SDK1: variants seen among roughly 807,000 people sequenced by gnomAD.
SDK1 encodes the protein protein sidekick-1.
A neutral mutation model predicts 245.5 loss-of-function variants in SDK1; 157 were observed. The observed-to-expected ratio is 0.64, with a 90% CI of 0.56 to 0.73. The LOEUF (loss-of-function observed/expected upper bound fraction) is 0.73, where lower values mean the gene tolerates loss of function less well. SDK1 is among the 30% of genes least tolerant of loss of function. The probability of loss-of-function intolerance (pLI) is 0.00; values close to 1 mark genes in which losing one functional copy is unlikely to be tolerated. For synonymous variants in SDK1, 1,647 were observed against 1,278.5 expected (o/e 1.29, Z -6.15); for missense variants, 3,583 against 3,002.3 (o/e 1.19, Z -4.52).
chr7:4,212,690 A>C (rs573855924), intron 38 of SDK1, among the ~76,000 whole-genome samples: 12 of 152,328 alleles, frequency 7.9e-5, no homozygotes, highest in African/African-American at 2.6e-4. Context: ...TGCAGGGAGA[A>C]ACAGTAGAGA....
At chr7:3,490,487 A>G (rs1005067725) in intron 1 of SDK1, among the ~76,000 whole-genome samples, 1 of 152,176 alleles carries the variant, frequency 6.6e-6, no homozygotes, top group Non-Finnish European at 1.5e-5. Context: ...TCTGTATATC[A>G]TTTTAAAGAT....
At chr7:3,892,711 T>C (rs1340555334) in intron 5 of SDK1, among the ~76,000 whole-genome samples, 1 of 152,122 alleles carries the variant, frequency 6.6e-6, no homozygotes, top group African/African-American at 2.4e-5. Flanking sequence ...AGTGTGACAA[T>C]GAACCCTGAG....
intron 5 of SDK1, among the ~76,000 whole-genome samples, chr7:3,834,082 C>CTA (rs1212018998): frequency 6.6e-6 from 1 of 152,174 alleles, no homozygotes; most frequent in African/African-American, 2.4e-5. Context: ...TGGCATCAGC[C>CTA]TACACCATTT....
chr7:3,626,447 A>G (rs1440846913), intron 2 of SDK1, among the ~76,000 whole-genome samples: 1 of 152,186 alleles, frequency 6.6e-6, no homozygotes, highest in Non-Finnish European at 1.5e-5. Context: ...CAAGGCTATA[A>G]TTGGTATTTA....
At chr7:3,887,090 G>A (rs746463557) in intron 5 of SDK1, among the ~76,000 whole-genome samples, 1 of 152,064 alleles carries the variant, frequency 6.6e-6, no homozygotes, top group Non-Finnish European at 1.5e-5. Context: ...CAAACAACTC[G>A]GTAATCTCAG....
intron 4 of SDK1, among the ~76,000 whole-genome samples, chr7:3,753,563 G>T (rs903411606): frequency 2.6e-5 from 4 of 152,204 alleles, no homozygotes; most frequent in African/African-American, 7.2e-5. Context: ...GCCGTTTATT[G>T]CAGTTGCCTC....
At chr7:4,141,232 C>A (rs1335030054) in intron 28 of SDK1, among the ~76,000 whole-genome samples, 3 of 152,226 alleles carry the variant, frequency 2.0e-5, no homozygotes. Context: ...CAGGGCTCAC[C>A]TTGGAGGACA....
At chr7:4,051,221 A>G (rs1789452463) in intron 18 of SDK1, among the ~76,000 whole-genome samples, 1 of 142,374 alleles carries the variant, frequency 7.0e-6, no homozygotes, top group African/African-American at 2.6e-5. Context: ...TACATAACAT[A>G]TACTATATAT....
chr7:4,153,603 A>G (rs549493070), intron 30 of SDK1, among the ~76,000 whole-genome samples: 13 of 152,330 alleles, frequency 8.5e-5, no homozygotes, highest in Middle Eastern at 6.8e-3. Flanking sequence ...AAAAAGAATC[A>G]GATGAACTTG....
rs550020444 is a variant in SDK1 at position 4,267,175 on chromosome 7, C to T, written c.*1791C>T. ...GTATGGCAAGTTTCCTTTTTTCTCT[C>T]CTCCCTTCCTTCCCCTCCTTCCTTT... On this transcript the variant is annotated 3_prime_UTR_variant, in exon 45 of 45. Coordinates refer to ENST00000404826, the MANE Select transcript of SDK1 (RefSeq NM_152744.4). The T allele has an allele frequency of 2.1e-6, 2 of 974,396 alleles. No individual in the cohort carries two copies. The highest frequency in any genetic ancestry group is 2.4e-6 in the Non-Finnish European group (2 of 820,500). The allele number at this position is 974,396 out of a possible 1,614,324, so 60.4% of individuals were successfully genotyped here.
chr7:4,006,534 A>C (rs1785499696), intron 14 of SDK1, among the ~76,000 whole-genome samples: 1 of 152,144 alleles, frequency 6.6e-6, no homozygotes, highest in Non-Finnish European at 1.5e-5. Context: ...TTGCTATTTA[A>C]ATTTTAACAG....
intron 2 of SDK1, among the ~76,000 whole-genome samples, chr7:3,621,751 C>T (rs1032962163): frequency 6.6e-6 from 1 of 152,108 alleles, no homozygotes; most frequent in Non-Finnish European, 1.5e-5. Flanking sequence ...CTGGGGGGTG[C>T]AAGAGTAAGA....
intron 34 of SDK1, 119 bp downstream of exon 34, chr7:4,175,953 G>C: frequency 1.2e-6 from 1 of 829,890 alleles, no homozygotes; most frequent in Middle Eastern, 2.9e-4. Context: ...TTCTGGAATC[G>C]CCTCTCAAAC....
At chr7:3,567,068 CTT>C (rs990965100) in intron 1 of SDK1, among the ~76,000 whole-genome samples, 3 of 152,130 alleles carry the variant, frequency 2.0e-5, no homozygotes, top group African/African-American at 7.2e-5. Flanking sequence ...CCTAGGAACA[CTT>C]TTAGATAATT....
chr7:4,201,139 C>G (rs1191049356), intron 35 of SDK1, among the ~76,000 whole-genome samples: 1 of 152,188 alleles, frequency 6.6e-6, no homozygotes, highest in Non-Finnish European at 1.5e-5. Flanking sequence ...TGCTCAGGCT[C>G]TGCTGCTGGC....
chr7:3,612,901 A>C, intron 1 of SDK1, among the ~76,000 whole-genome samples: 1 of 152,116 alleles, frequency 6.6e-6, no homozygotes, highest in Non-Finnish European at 1.5e-5. Flanking sequence ...TGGGCTTCAC[A>C]GACTACCCCC....
At chr7:3,606,584 C>G (rs548137710) in intron 1 of SDK1, among the ~76,000 whole-genome samples, 1 of 152,156 alleles carries the variant, frequency 6.6e-6, no homozygotes, top group Non-Finnish European at 1.5e-5. Context: ...ACACAGTGGA[C>G]TGACTCCCAC....
chr7:3,681,977 T>C (rs1784113241), intron 4 of SDK1, among the ~76,000 whole-genome samples: 1 of 152,190 alleles, frequency 6.6e-6, no homozygotes, highest in South Asian at 2.1e-4. Context: ...GAGCATAACA[T>C]AATCAAATGT....
intron 14 of SDK1, among the ~76,000 whole-genome samples, chr7:3,998,562 C>A (rs770157173): frequency 6.6e-6 from 1 of 152,144 alleles, no homozygotes; most frequent in Non-Finnish European, 1.5e-5. Flanking sequence ...GGAATTCATG[C>A]ATTCCCAAGG....
Sources: allele counts gnomAD v4.1 joint callset (sites outside exome capture counted in the v4.1 genomes callset), GRCh38; gene constraint gnomAD v4.1.1; transcripts MANE v1.5; gene names NCBI Gene and HGNC (gene_info 2026-07-23, HGNC 2026-07-21).